The following PPARGC1B variants were observed in gnomAD, a reference collection of about 807,000 sequenced individuals.
PPARGC1B encodes peroxisome proliferator-activated receptor gamma coactivator 1-beta.
In PPARGC1B, 34 loss-of-function variants were observed where a neutral mutation model predicts 101.6. The ratio of observed to expected loss-of-function variants is 0.33; its 90% CI spans 0.25 to 0.45. The LOEUF (loss-of-function observed/expected upper bound fraction) is 0.45, where lower values mean the gene tolerates loss of function less well. Ranked by LOEUF, PPARGC1B falls within the 20% of genes least tolerant of loss-of-function variation. The pLI is 1.00. For synonymous variants in PPARGC1B, 548 were observed against 539.3 expected (o/e 1.02, Z -0.22); for missense variants, 1,234 against 1,317.6 (o/e 0.94, Z 0.98).
chr5:149,784,569 T>A (rs1337608721), intron 1 of PPARGC1B, among the ~76,000 whole-genome samples: 1 of 140,894 alleles, frequency 7.1e-6, no homozygotes, highest in Non-Finnish European at 1.5e-5. Flanking sequence ...TCTTTTTTTT[T>A]TTTTTTTTTT....
intron 1 of PPARGC1B, among the ~76,000 whole-genome samples, chr5:149,816,589 C>G (rs530512683): frequency 5.8e-4 from 88 of 152,328 alleles, no homozygotes; most frequent in Admixed American, 9.1e-4. Flanking sequence ...CATGACTTAC[C>G]TGGACAACTC....
intron 1 of PPARGC1B, among the ~76,000 whole-genome samples, chr5:149,746,613 C>A (rs1334737464): frequency 6.6e-6 from 1 of 152,138 alleles, no homozygotes; most frequent in Non-Finnish European, 1.5e-5. Flanking sequence ...TGGGTATATG[C>A]CCAGAGGTGG....
chr5:149,754,822 C>G (rs1306045089), intron 1 of PPARGC1B, among the ~76,000 whole-genome samples: 1 of 143,986 alleles, frequency 6.9e-6, no homozygotes, highest in Non-Finnish European at 1.5e-5. Flanking sequence ...TGCTCTGTCA[C>G]CCAGGCTGGA....
chr5:149,824,921 AGCT>A (rs1561591971), intron 2 of PPARGC1B, among the ~76,000 whole-genome samples: 1 of 152,248 alleles, frequency 6.6e-6, no homozygotes. Context: ...CGAACTACTC[AGCT>A]GCTGCTCCGG....
intron 2 of PPARGC1B, among the ~76,000 whole-genome samples, chr5:149,825,773 G>A (rs568184221): frequency 6.6e-5 from 10 of 152,274 alleles, no homozygotes; most frequent in African/African-American, 1.9e-4. Flanking sequence ...TAGCCACCGG[G>A]AAGGGGAAGG....
chr5:149,778,096 C>A (rs1242955238), intron 1 of PPARGC1B, among the ~76,000 whole-genome samples: 1 of 130,610 alleles, frequency 7.7e-6, no homozygotes, highest in African/African-American at 2.9e-5. Flanking sequence ...CACACACACA[C>A]ACACACACAC....
chr5:149,730,552 C>G lies in PPARGC1B; in HGVS notation c.78+132C>G, dbSNP rs373801505. On this transcript the variant is annotated intron_variant, in intron 1 of 11. Coordinates refer to ENST00000309241, the MANE Select transcript of PPARGC1B (RefSeq NM_133263.4). This position sits in a 1 kb window ranked among gnomAD's most constrained non-coding sequence, Gnocchi z 4.0. The stretch of plus-strand genomic sequence containing the variant: ...TGGGGGTTCCAGGCTGCAGAGCCCC[C>G]CTTCCAGGCGCCCTGCGATGCGCTC... The G allele has an allele frequency of 7.0e-4, 442 of 634,406 alleles. 2 individuals carry two copies. In the African/African-American group the frequency reaches 7.3e-3, roughly 10 times the overall value. The allele number at this position is 634,406 out of a possible 1,614,324, so 39.3% of individuals were successfully genotyped here. A position where few individuals can be genotyped will look rare whatever the true frequency, so the allele number is the denominator to read the frequency against.
At chr5:149,742,031 G>A (rs1269013248) in intron 1 of PPARGC1B, among the ~76,000 whole-genome samples, 1 of 152,160 alleles carries the variant, frequency 6.6e-6, no homozygotes, top group African/African-American at 2.4e-5. Flanking sequence ...GATGATGATG[G>A]TGGTGGTGGT....
intron 1 of PPARGC1B, among the ~76,000 whole-genome samples, chr5:149,809,797 A>G (rs116158143): frequency 0.035 from 5,318 of 152,120 alleles, 138 homozygotes; most frequent in African/African-American, 0.074. Context: ...AGAGAATGAT[A>G]AGTGCTAATC....
chr5:149,733,014 C>T (rs1201357452), intron 1 of PPARGC1B: 2 of 204,260 alleles, frequency 9.8e-6, no homozygotes, highest in African/African-American at 2.4e-5. Context: ...ATCCAATGGC[C>T]TGGTGGTGGG....
intron 1 of PPARGC1B, among the ~76,000 whole-genome samples, chr5:149,741,293 CA>C (rs1754894512): frequency 2.0e-5 from 3 of 152,230 alleles, no homozygotes; most frequent in Non-Finnish European, 2.9e-5. Context: ...GTTGCCATGG[CA>C]AACAGCCTTG....
In PPARGC1B at chr5:149,826,768, G is replaced by C; in HGVS notation, c.348G>C (p.Leu116=). Residue 116 remains leucine (L), a synonymous_variant, in exon 3 of 12, where the codon CTG becomes CTC. Transcript: ENST00000309241. ...TGGGTCTGGCTGCCTTCCCAGCCCTGGATGGTGGAGACGCTCTATCATGCA... is the reference window on the plus strand; with the variant it reads ...TGGGTCTGGCTGCCTTCCCAGCCCTCGATGGTGGAGACGCTCTATCATGCA... The part of the protein sequence containing the change: ...DDVGLAAFPA[L]DGGDALSCTS... The C allele has an allele frequency of 6.2e-7, 1 of 1,614,014 alleles. No homozygotes were observed. The highest frequency in any genetic ancestry group is 8.5e-7 in the Non-Finnish European group (1 of 1,179,948).
At chr5:149,782,940 G>C (rs1380505068) in intron 1 of PPARGC1B, among the ~76,000 whole-genome samples, 1 of 152,200 alleles carries the variant, frequency 6.6e-6, no homozygotes, top group African/African-American at 2.4e-5. Flanking sequence ...GAGCAGGAAG[G>C]AAGAAGGGAA....
In PPARGC1B at chr5:149,836,371, C is replaced by G; in HGVS notation, c.1916C>G (p.Pro639Arg). ...GAAATAGCTCTCAGCCTCCCCTCCC[C>G]TGAGGGCCTCTCACTCAAGGCCACC... is the stretch of plus-strand genomic sequence containing the variant. ...GKEIALSLPS[P>R]EGLSLKATPG... The change falls in exon 8 of 12, where the codon CCT becomes CGT. Residue 639 changes from proline (P) to arginine (R), a missense_variant. By Grantham distance (103) the Pro-to-Arg change is moderately radical. Transcript: ENST00000309241. 1 of 1,614,140 alleles carries G rather than the reference C, an allele frequency of 6.2e-7. No individual in the cohort carries two copies. The highest frequency in any genetic ancestry group is 8.5e-7 in the Non-Finnish European group (1 of 1,180,014).
chr5:149,784,297 C>T (rs916619443), intron 1 of PPARGC1B, among the ~76,000 whole-genome samples: 3 of 152,086 alleles, frequency 2.0e-5, no homozygotes, highest in Admixed American at 6.5e-5. Context: ...CTTCCTCCCA[C>T]TCAGAGGCCA....
Position 149,750,453 on chromosome 5 carries a change from AATATATATATATATATATATATATAT to A in PPARGC1B, c.78+20044_78+20069del, listed in dbSNP as rs55971526. On this transcript the variant is annotated intron_variant, in intron 1 of 11. Transcript: ENST00000309241. ...TAGCTGTCTTCTCTGTTTTAGTTAA[AATATATATATATATATATATATATAT>A]ATATATATATGTTAATAGGGGAAGG... Among the ~76,000 whole-genome samples, 2 of 123,240 alleles carry A rather than the reference AATATATATATATATATATATATATAT, an allele frequency of 1.6e-5. 1 individual carries two copies. Among genetic ancestry groups the A allele is most frequent in the South Asian group, 4.9e-4 (2 of 4,076 alleles). The allele number at this position is 123,240 out of a possible 152,430, so 80.9% of individuals were successfully genotyped here. A position where few individuals can be genotyped will look rare whatever the true frequency, so the allele number is the denominator to read the frequency against.
chr5:149,807,509 C>T, intron 1 of PPARGC1B, among the ~76,000 whole-genome samples: 1 of 152,194 alleles, frequency 6.6e-6, no homozygotes, highest in Admixed American at 6.5e-5. Flanking sequence ...TGCCAGAGGA[C>T]ATCCTGATTG....
intron 1 of PPARGC1B, among the ~76,000 whole-genome samples, chr5:149,786,859 A>G (rs1756828901): frequency 6.6e-6 from 1 of 152,198 alleles, no homozygotes; most frequent in African/African-American, 2.4e-5. Context: ...TCAGAAGTAG[A>G]ATATTAATGC....
At chr5:149,741,681 G>A (rs950679521) in intron 1 of PPARGC1B, among the ~76,000 whole-genome samples, 4 of 149,784 alleles carry the variant, frequency 2.7e-5, no homozygotes, top group Admixed American at 2.0e-4. Flanking sequence ...AGGCTGGAGT[G>A]CAGTGGCGCG....
Sources: gnomAD v4.1 joint callset for allele counts (sites outside exome capture counted in the v4.1 genomes callset) on GRCh38, gnomAD v4.1.1 for gene constraint, Gnocchi (gnomAD v3.1) non-coding constraint, MANE v1.5 for transcripts, NCBI Gene and HGNC (gene_info 2026-07-23, HGNC 2026-07-21) for gene names.